The following SLC39A12 variants were observed in gnomAD, a reference collection of about 807,000 sequenced individuals.
SLC39A12 encodes zinc transporter ZIP12.
A neutral mutation model predicts 71.1 loss-of-function variants in SLC39A12; 63 were observed. The observed-to-expected ratio is 0.89, with a 90% CI of 0.72 to 1.09. The LOEUF is 1.09. SLC39A12 is among the 50% of genes least tolerant of loss of function. The probability of loss-of-function intolerance (pLI) is 0.00; values close to 1 mark genes in which losing one functional copy is unlikely to be tolerated. For missense variants in SLC39A12, 892 were observed against 812.6 expected, an observed-to-expected ratio of 1.10 and a Z score of -1.19; for synonymous variants, 351 against 301.3, an observed-to-expected ratio of 1.16 and a Z score of -1.71.
At chr10:18,018,448 T>C (rs1420074535) in intron 12 of SLC39A12, among the ~76,000 whole-genome samples, 1 of 152,180 alleles carries the variant, frequency 6.6e-6, no homozygotes, top group African/African-American at 2.4e-5. Context: ...GGCTCATCCT[T>C]GCCTTTCTTC....
intron 2 of SLC39A12, among the ~76,000 whole-genome samples, chr10:17,954,714 G>C (rs1554847571): frequency 6.6e-6 from 1 of 151,964 alleles, no homozygotes; most frequent in Non-Finnish European, 1.5e-5. Context: ...AGATTTTTTA[G>C]GACGAACCCA....
intron 2 of SLC39A12, among the ~76,000 whole-genome samples, chr10:17,960,457 T>C (rs1554848235): frequency 6.6e-6 from 1 of 152,172 alleles, no homozygotes; most frequent in African/African-American, 2.4e-5. Flanking sequence ...AACAAAATCA[T>C]TTTTGGCAAT....
chr10:18,025,465 C>G (rs930953453), intron 12 of SLC39A12, among the ~76,000 whole-genome samples: 1 of 151,930 alleles, frequency 6.6e-6, no homozygotes, highest in African/African-American at 2.4e-5. Context: ...TTCCCACCTA[C>G]GAGTGAGAAC....
At chr10:17,971,679 A>G (rs1589224920) in intron 4 of SLC39A12, among the ~76,000 whole-genome samples, 1 of 151,866 alleles carries the variant, frequency 6.6e-6, no homozygotes, top group African/African-American at 2.4e-5. Context: ...ATCAGTTGTA[A>G]TGTCTCTTTT....
At chr10:18,041,693 ATG>A (rs1221019288) in intron 12 of SLC39A12, among the ~76,000 whole-genome samples, 5 of 110,968 alleles carry the variant, frequency 4.5e-5, no homozygotes, top group South Asian at 2.8e-4. Context: ...ATATGTATAT[ATG>A]TGTATATATA....
chr10:17,992,088 C>CAAAAAAA (rs59014549), intron 8 of SLC39A12, among the ~76,000 whole-genome samples: 6 of 87,222 alleles, frequency 6.9e-5, no homozygotes, highest in East Asian at 3.3e-4. Context: ...GACTCCATCT[C>CAAAAAAA]AAAAAAAAAA....
At chr10:17,997,468 G>A (rs1466870383) in intron 10 of SLC39A12, among the ~76,000 whole-genome samples, 1 of 152,044 alleles carries the variant, frequency 6.6e-6, no homozygotes, top group Non-Finnish European at 1.5e-5. Context: ...TAGAAAGCTG[G>A]GCACATAGTA....
intron 12 of SLC39A12, chr10:18,004,235 A>G (rs1589242581): frequency 6.6e-6 from 1 of 152,246 alleles, no homozygotes; most frequent in African/African-American, 2.4e-5. Flanking sequence ...AATATGGCAA[A>G]TAAAAATAAA....
At chr10:17,976,400 A>G (rs1291614824) in intron 4 of SLC39A12, among the ~76,000 whole-genome samples, 2 of 151,920 alleles carry the variant, frequency 1.3e-5, no homozygotes, top group Non-Finnish European at 1.5e-5. Context: ...TCAAGATTTT[A>G]TCTTCTGTTG....
rs77505547 is a variant in SLC39A12, at chr10:18,019,019, T to G, written c.1947+15661T>G. On this transcript the variant is annotated intron_variant, in intron 12 of 12. Coordinates refer to ENST00000377369, the MANE Select transcript of SLC39A12 (RefSeq NM_001145195.2). ...GTTCATTGGTGAGCCCATCTGGGCCTGGTGATTTCTGTTTGGAGAGGTTAT... is the reference window on the plus strand; with the variant it reads ...GTTCATTGGTGAGCCCATCTGGGCCGGGTGATTTCTGTTTGGAGAGGTTAT... Among the ~76,000 whole-genome samples, 1,489 of 152,250 alleles carry G rather than the reference T, an allele frequency of 9.8e-3. 20 individuals carry two copies. Among genetic ancestry groups the G allele is most frequent in the Middle Eastern group, 0.014 (4 of 294 alleles).
intron 12 of SLC39A12, among the ~76,000 whole-genome samples, chr10:18,033,462 C>A (rs12354651): frequency 6.7e-6 from 1 of 148,310 alleles, no homozygotes; most frequent in African/African-American, 2.5e-5. Context: ...TATCCTCTGA[C>A]GGTAGTTTGT....
chr10:18,016,946 C>T (rs1432594461), intron 12 of SLC39A12, among the ~76,000 whole-genome samples: 1 of 152,042 alleles, frequency 6.6e-6, no homozygotes, highest in Non-Finnish European at 1.5e-5. Context: ...ATTCCTTTAT[C>T]AGATGTTTTG....
chr10:17,995,505 TTG>T lies in SLC39A12; in HGVS notation c.1534-143_1534-142del, dbSNP rs1307486970. On this transcript the variant is annotated intron_variant, in intron 9 of 12. Transcript: ENST00000377369. ...TTGCCCACAGACTTTCAGCTCTACA[TTG>T]TGTGTGTCTATGAAACCTGAGGTTC... 19 of 649,766 alleles carry T rather than the reference TTG, an allele frequency of 2.9e-5. No individual in the cohort carries two copies. In the South Asian group the frequency reaches 3.9e-4, roughly 13 times the overall value. 40.3% of individuals were successfully genotyped at this position (649,766 alleles called of 1,614,324 possible). A position where few individuals can be genotyped will look rare whatever the true frequency, so the allele number is the denominator to read the frequency against.
intron 1 of SLC39A12, among the ~76,000 whole-genome samples, 183 bp downstream of exon 1, chr10:17,952,208 A>G (rs575128271): frequency 1.3e-5 from 2 of 152,244 alleles, no homozygotes; most frequent in South Asian, 4.1e-4. Flanking sequence ...TGCTGTTAAC[A>G]TTTTACATGC....
chr10:17,959,174 G>A (rs985598798), intron 2 of SLC39A12, among the ~76,000 whole-genome samples: 37 of 151,724 alleles, frequency 2.4e-4, no homozygotes, highest in African/African-American at 7.7e-4. Context: ...CAATGGATTC[G>A]CTTTTTGGGT....
At chr10:18,015,540 G>C (rs1314045139) in intron 12 of SLC39A12, among the ~76,000 whole-genome samples, 1 of 152,088 alleles carries the variant, frequency 6.6e-6, no homozygotes, top group Non-Finnish European at 1.5e-5. Flanking sequence ...ATCTTGTCTT[G>C]AGTATCAATA....
chr10:17,989,608 T>G (rs1313657927), intron 7 of SLC39A12, among the ~76,000 whole-genome samples: 2 of 15,636 alleles, frequency 1.3e-4, no homozygotes, highest in East Asian at 1.4e-3. Flanking sequence ...TTGTAGACAG[T>G]TTTTTTTTTG....
chr10:18,038,903 G>A (rs67406532), intron 12 of SLC39A12, among the ~76,000 whole-genome samples: 14,915 of 152,118 alleles, frequency 0.098, 1,139 homozygotes, highest in East Asian at 0.21. Context: ...CAAAATGTAG[G>A]TTCATGAAGA....
At chr10:18,013,797 T>C (rs1245681659) in intron 12 of SLC39A12, among the ~76,000 whole-genome samples, 2 of 152,232 alleles carry the variant, frequency 1.3e-5, no homozygotes, top group East Asian at 3.8e-4. Context: ...ACTTTGTTTC[T>C]GGGTTCTCCA....
Sources: gnomAD v4.1 joint callset for allele counts (sites outside exome capture counted in the v4.1 genomes callset) on GRCh38, gnomAD v4.1.1 for gene constraint, MANE v1.5 for transcripts, NCBI Gene and HGNC (gene_info 2026-07-23, HGNC 2026-07-21) for gene names.